The following IQANK1 variants were observed in gnomAD, a reference collection of about 807,000 sequenced individuals.
IQANK1 encodes IQ motif and ankyrin repeat containing 1.
IQANK1 carries 30 observed loss-of-function variants against 22.6 expected under a neutral mutation model. The ratio of observed to expected loss-of-function variants is 1.33; its 90% CI spans 0.99 to 1.80. The LOEUF (loss-of-function observed/expected upper bound fraction) is 1.80, where lower values mean the gene tolerates loss of function less well. Among genes scored for constraint, IQANK1 ranks in the 40% most tolerant of loss-of-function variants. The probability of loss-of-function intolerance (pLI) is 0.00; values close to 1 mark genes in which losing one functional copy is unlikely to be tolerated. For missense variants in IQANK1, 275 were observed against 235.2 expected, an observed-to-expected ratio of 1.17 and a Z score of -1.11; for synonymous variants, 122 against 99.6, an observed-to-expected ratio of 1.23 and a Z score of -1.34.
At chr8:143,746,093 T>C (rs1819027477) in intron 3 of IQANK1, 1 of 152,250 alleles carries the variant, frequency 6.6e-6, no homozygotes, top group African/African-American at 2.4e-5. Context: ...TATAAAATCA[T>C]ATCATTGGCA....
intron 11 of IQANK1, 22 bp downstream of exon 11, chr8:143,789,891 G>A (rs557775792): frequency 2.6e-5 from 32 of 1,231,922 alleles, no homozygotes; most frequent in African/African-American, 7.7e-5. Context: ...ATGGGGCGCC[G>A]GCTGGGGGCT....
intron 3 of IQANK1, among the ~76,000 whole-genome samples, chr8:143,753,662 C>T (rs1819237532): frequency 6.6e-6 from 1 of 152,020 alleles, no homozygotes; most frequent in Admixed American, 6.6e-5. Context: ...ACCGTGTTGG[C>T]CAGGCTGTTC....
At chr8:143,745,231 G>A (rs1025358978) in intron 3 of IQANK1, 51 of 152,214 alleles carry the variant, frequency 3.4e-4, no homozygotes, top group African/African-American at 1.2e-3. Flanking sequence ...CTGTCCGGCT[G>A]GCAGAGCCTG....
chr8:143,776,638 C>CT (rs1819691773), intron 7 of IQANK1, among the ~76,000 whole-genome samples: 1 of 152,124 alleles, frequency 6.6e-6, no homozygotes, highest in African/African-American at 2.4e-5. Flanking sequence ...TTCAAGGATA[C>CT]TGAGGCAGCA....
rs12676023 is a variant in IQANK1 at position 143,774,584 on chromosome 8, C to A, written c.789+2102C>A. Among the ~76,000 whole-genome samples the A allele has an allele frequency of 2.1e-4, 32 of 152,276 alleles. No individual in the cohort carries two copies. The East Asian group carries it at 6.0e-3, about 28-fold the overall frequency. On this transcript the variant is annotated intron_variant, in intron 7 of 13. Transcript: ENST00000527139. This position sits in a 1 kb window ranked among gnomAD's most constrained non-coding sequence, Gnocchi z 4.2. The stretch of plus-strand genomic sequence containing the variant: ...CGCAGCACCAGTACAGCCGCTCTTG[C>A]AAATAGGCAGGCGGTTTCTTAAAAA...
At chr8:143,739,973 G>A (rs1554626246) in intron 3 of IQANK1, 25 bp downstream of exon 3, 3 of 679,382 alleles carry the variant, frequency 4.4e-6, no homozygotes, top group Non-Finnish European at 8.1e-6. Context: ...GTCCCGCGCC[G>A]CTGTGGGTGA....
intron 7 of IQANK1, among the ~76,000 whole-genome samples, chr8:143,776,580 A>G (rs1819691123): frequency 6.6e-6 from 1 of 152,160 alleles, no homozygotes; most frequent in Non-Finnish European, 1.5e-5. Flanking sequence ...GGGGGAACGT[A>G]GACAGAGCCA....
rs1338499706 is a variant in IQANK1 at position 143,789,178 on chromosome 8, C to T, written c.939-11C>T. 1 of 399,842 alleles carries T rather than the reference C, an allele frequency of 2.5e-6. No homozygotes were observed. Among genetic ancestry groups the T allele is most frequent in the Non-Finnish European group, 4.4e-6 (1 of 226,664 alleles). The allele number at this position is 399,842 out of a possible 1,614,324, so 24.8% of individuals were successfully genotyped here. Reference sequence around the variant, plus strand: ...CGGAAGCCTCTGTCCCAGCTCATTCCTGCTCCTTAGTATGACCCTCAAGGT... The same window carrying T: ...CGGAAGCCTCTGTCCCAGCTCATTCTTGCTCCTTAGTATGACCCTCAAGGT... On this transcript the variant is annotated splice_polypyrimidine_tract_variant and intron_variant, in intron 8 of 13. Coordinates refer to ENST00000527139, the MANE Select transcript of IQANK1 (RefSeq NM_001381874.1).
chr8:143,785,410 C>A (rs573307788), intron 7 of IQANK1, among the ~76,000 whole-genome samples: 7 of 151,800 alleles, frequency 4.6e-5, no homozygotes, highest in Non-Finnish European at 1.0e-4. Context: ...GTGTGCAGCA[C>A]CACATCAGCT....
intron 7 of IQANK1, among the ~76,000 whole-genome samples, chr8:143,784,242 G>A (rs1554631146): frequency 6.6e-6 from 1 of 152,056 alleles, no homozygotes; most frequent in African/African-American, 2.4e-5. Context: ...CCTGGGGGGA[G>A]GTGATTGGAT....
intron 2 of IQANK1, among the ~76,000 whole-genome samples, chr8:143,738,593 G>A (rs1448898744): frequency 6.6e-6 from 1 of 152,242 alleles, no homozygotes; most frequent in Non-Finnish European, 1.5e-5. Context: ...GGCGAGACTG[G>A]GAGGGAGGCT....
intron 3 of IQANK1, chr8:143,742,845 C>T (rs782775827): frequency 1.5e-5 from 7 of 456,034 alleles, no homozygotes; most frequent in South Asian, 1.1e-4. Flanking sequence ...CAAACATGGC[C>T]TGTGCTGCTG....
chr8:143,751,779 T>A (rs1554628079), intron 3 of IQANK1, among the ~76,000 whole-genome samples: 1 of 150,870 alleles, frequency 6.6e-6, no homozygotes, highest in Non-Finnish European at 1.5e-5. Context: ...CCATCTAGTG[T>A]CCTTTCAACC....
At chr8:143,765,467 C>T (rs782467401) in intron 3 of IQANK1, among the ~76,000 whole-genome samples, 2 of 152,136 alleles carry the variant, frequency 1.3e-5, no homozygotes, top group Non-Finnish European at 2.9e-5. Flanking sequence ...AATGAGCCTC[C>T]ATGGTAATTT....
chr8:143,769,192 C>G (rs1171453152), intron 3 of IQANK1, among the ~76,000 whole-genome samples: 1 of 151,264 alleles, frequency 6.6e-6, no homozygotes, highest in Non-Finnish European at 1.5e-5. Context: ...CCTGAGTAAC[C>G]GGGACTACAG....
chr8:143,778,243 GCTAA>G (rs1819729233), intron 7 of IQANK1, among the ~76,000 whole-genome samples: 3 of 151,612 alleles, frequency 2.0e-5, no homozygotes, highest in Non-Finnish European at 4.4e-5. Flanking sequence ...AAAAATTGTA[GCTAA>G]CTATGTTCTA....
intron 2 of IQANK1, among the ~76,000 whole-genome samples, chr8:143,737,700 C>T (rs1440226360): frequency 6.6e-6 from 1 of 152,194 alleles, no homozygotes; most frequent in Non-Finnish European, 1.5e-5. Flanking sequence ...TGCTCCAGGG[C>T]CACGGCCAGC....
At chr8:143,740,294 G>A (rs1045518121) in intron 3 of IQANK1, among the ~76,000 whole-genome samples, 15 of 152,030 alleles carry the variant, frequency 9.9e-5, no homozygotes, top group Non-Finnish European at 1.8e-4. Context: ...CGTCGTGCCC[G>A]CCCCGCGCGC....
rs1260146658 is a variant in IQANK1 at position 143,774,597 on chromosome 8, G to A, written c.789+2115G>A. Among the ~76,000 whole-genome samples the A allele has an allele frequency of 2.0e-5, 3 of 152,092 alleles. No homozygotes were observed. The South Asian group carries it at 6.2e-4, about 31-fold the overall frequency. On this transcript the variant is annotated intron_variant, in intron 7 of 13. Transcript: ENST00000527139. The surrounding 1 kb of genome is among the most constrained non-coding windows in gnomAD (Gnocchi z 4.2). ...CAGCCGCTCTTGCAAATAGGCAGGC[G>A]GTTTCTTAAAAAGTGAACACATTTA...
Sources: gnomAD v4.1 joint callset for allele counts (sites outside exome capture counted in the v4.1 genomes callset) on GRCh38, gnomAD v4.1.1 for gene constraint, Gnocchi (gnomAD v3.1) non-coding constraint, MANE v1.5 for transcripts, NCBI Gene and HGNC (gene_info 2026-07-23, HGNC 2026-07-21) for gene names.